The following EXT1 variants were observed in gnomAD, a reference collection of about 807,000 sequenced individuals.
The protein encoded by EXT1 is exostosin-1.
Under a neutral mutation model 82.5 loss-of-function variants are expected in EXT1, and 20 were observed. The ratio of observed to expected loss-of-function variants is 0.24; its 90% confidence interval spans 0.17 to 0.35. The LOEUF (loss-of-function observed/expected upper bound fraction) is 0.35, where lower values mean the gene tolerates loss of function less well. Among genes scored for constraint, EXT1 ranks in the 10% least tolerant of loss-of-function variants. The pLI is 1.00. For synonymous variants in EXT1, 348 were observed against 350.8 expected (o/e 0.99, Z 0.09); for missense variants, 757 against 936.5 (o/e 0.81, Z 2.50).
intron 1 of EXT1, among the ~76,000 whole-genome samples, chr8:118,069,736 C>CT (rs200131546): frequency 1.5e-4 from 23 of 149,302 alleles, no homozygotes; most frequent in Admixed American, 6.0e-4. Flanking sequence ...GTTTTTATTT[C>CT]TTTTTTTTTT....
chr8:117,822,954 A>G (rs768117212), intron 4 of EXT1, among the ~76,000 whole-genome samples: 3 of 152,156 alleles, frequency 2.0e-5, no homozygotes, highest in Non-Finnish European at 4.4e-5. Flanking sequence ...GATAGGTTCC[A>G]GGCCCCTATC....
chr8:117,942,120 A>G (rs1814294173), intron 1 of EXT1, among the ~76,000 whole-genome samples: 1 of 152,130 alleles, frequency 6.6e-6, no homozygotes, highest in Non-Finnish European at 1.5e-5. Context: ...AACATGGAGG[A>G]CCCATCCATA....
intron 1 of EXT1, among the ~76,000 whole-genome samples, chr8:118,107,924 G>T: frequency 6.6e-6 from 1 of 152,164 alleles, no homozygotes; most frequent in Non-Finnish European, 1.5e-5. Flanking sequence ...CTGCTAAAGA[G>T]ATCCCTGCTT....
chr8:117,854,447 A>AAC (rs953999251), intron 1 of EXT1, among the ~76,000 whole-genome samples: 32 of 151,624 alleles, frequency 2.1e-4, no homozygotes, highest in East Asian at 7.7e-4. Flanking sequence ...AGGGGGAGAA[A>AAC]ACACACACAC....
intron 1 of EXT1, among the ~76,000 whole-genome samples, chr8:117,948,320 CAAAAAAAAAAA>C (rs34394392): frequency 9.6e-5 from 5 of 51,918 alleles, no homozygotes; most frequent in Admixed American, 2.5e-4. Context: ...CTGCCCTTGC[CAAAAAAAAAAA>C]AAAAAAAAAA....
intron 1 of EXT1, among the ~76,000 whole-genome samples, chr8:117,858,888 A>G (rs57455528): frequency 0.26 from 32,940 of 127,862 alleles, 5,878 homozygotes; most frequent in Middle Eastern, 0.39. Flanking sequence ...AAAGAAAGAA[A>G]GAAAGAAAGA....
intron 1 of EXT1, among the ~76,000 whole-genome samples, chr8:118,062,696 G>C (rs1251407640): frequency 6.6e-6 from 1 of 152,146 alleles, no homozygotes; most frequent in Admixed American, 6.6e-5. Flanking sequence ...TCAAAGCCTG[G>C]GGTTTTGCCA....
At chr8:118,072,215 C>T (rs1348428806) in intron 1 of EXT1, among the ~76,000 whole-genome samples, 1 of 152,124 alleles carries the variant, frequency 6.6e-6, no homozygotes, top group Non-Finnish European at 1.5e-5. Context: ...AGACCAGTTC[C>T]CTGACCTACA....
chr8:117,890,377 A>G (rs1486388087), intron 1 of EXT1, among the ~76,000 whole-genome samples: 5 of 152,174 alleles, frequency 3.3e-5, no homozygotes, highest in African/African-American at 4.8e-5. Flanking sequence ...TGCTTCTGGT[A>G]TCTAGTGGGT....
rs1204475198 is a variant in EXT1 at position 118,093,749 on chromosome 8, C to T, written c.962+16336G>A. Among the ~76,000 whole-genome samples the T allele has an allele frequency of 3.3e-5, 5 of 152,318 alleles. No homozygotes were observed. The South Asian group carries it at 1.0e-3, about 32-fold the overall frequency. ...TTAAGTTCCAATATGTCTGAATGCT[C>T]CCAGATCTTCAAATCACAGGCTAGA... On this transcript the variant is annotated intron_variant, in intron 1 of 10. Coordinates refer to ENST00000378204, the MANE Select transcript of EXT1 (RefSeq NM_000127.3).
At chr8:118,066,775 T>TA (rs527813356) in intron 1 of EXT1, among the ~76,000 whole-genome samples, 3 of 152,216 alleles carry the variant, frequency 2.0e-5, no homozygotes, top group Non-Finnish European at 4.4e-5. Context: ...TATTCATTGT[T>TA]ACGTTTTCAG....
At chr8:117,814,209 G>A (rs1194110690) in intron 7 of EXT1, among the ~76,000 whole-genome samples, 1 of 151,194 alleles carries the variant, frequency 6.6e-6, no homozygotes, top group Non-Finnish European at 1.5e-5. Context: ...AATAAGGAAA[G>A]GTGGACTACG....
chr8:117,985,004 A>AAGGTCTTTCAGATGGCTGCTTAAG (rs567157097), intron 1 of EXT1, among the ~76,000 whole-genome samples: 17 of 152,296 alleles, frequency 1.1e-4, no homozygotes, highest in African/African-American at 3.8e-4. Context: ...ATCCTGAGGT[A>AAGGTCTTTCAGATGGCTGCTTAAG]AGGTCTTTCA....
intron 1 of EXT1, among the ~76,000 whole-genome samples, chr8:117,988,549 T>C (rs1178578650): frequency 3.3e-5 from 5 of 152,108 alleles, no homozygotes; most frequent in African/African-American, 4.8e-5. Context: ...AAGACAGTGG[T>C]AGCTGCTAGG....
intron 1 of EXT1, among the ~76,000 whole-genome samples, chr8:117,937,170 G>A (rs1402485555): frequency 6.6e-6 from 1 of 152,138 alleles, no homozygotes; most frequent in Non-Finnish European, 1.5e-5. Context: ...CAGAGTGGCT[G>A]TATGTATTTA....
At chr8:117,819,167 A>G (rs1240743699) in intron 6 of EXT1, among the ~76,000 whole-genome samples, 1 of 152,270 alleles carries the variant, frequency 6.6e-6, no homozygotes, top group Non-Finnish European at 1.5e-5. Context: ...CCACCGTTCA[A>G]TATGGGAGGA....
chr8:117,860,465 T>A (rs1295277873), intron 1 of EXT1, among the ~76,000 whole-genome samples: 1 of 152,190 alleles, frequency 6.6e-6, no homozygotes, highest in Non-Finnish European at 1.5e-5. Flanking sequence ...ATGCAGTATG[T>A]CCATGTCAGA....
chr8:117,809,242 T>TATATATATATATATATAAA (rs796605483), intron 8 of EXT1, among the ~76,000 whole-genome samples: 8 of 141,214 alleles, frequency 5.7e-5, no homozygotes, highest in Non-Finnish European at 9.2e-5. Context: ...TATATATATA[T>TATATATATATATATATAAA]ATTATGTTCT....
chr8:118,087,119 A>T (rs77103027), intron 1 of EXT1, among the ~76,000 whole-genome samples: 5,193 of 152,308 alleles, frequency 0.034, 106 homozygotes, highest in South Asian at 0.076. Context: ...AGAAACAATG[A>T]AAACAGTCTT....
Sources: allele counts gnomAD v4.1 joint callset (sites outside exome capture counted in the v4.1 genomes callset), GRCh38; gene constraint gnomAD v4.1.1; transcripts MANE v1.5; gene names NCBI Gene and HGNC (gene_info 2026-07-23, HGNC 2026-07-21).